Variants in MALRD1 observed in about 807,000 individuals in gnomAD.
MALRD1 encodes the protein MAM and LDL receptor class A domain containing 1, also known as MAM and LDL-receptor class A domain-containing protein 1.
Under a neutral mutation model 242.1 loss-of-function variants are expected in MALRD1, and 247 were observed. The observed-to-expected ratio is 1.02, with a 90% CI of 0.92 to 1.13. The LOEUF is 1.13. MALRD1 is among the 50% of genes most tolerant of loss of function. The probability of loss-of-function intolerance (pLI) is 0.00; values close to 1 mark genes in which losing one functional copy is unlikely to be tolerated. For missense variants in MALRD1, 2,989 were observed against 2,533.1 expected (o/e 1.18, Z -3.86); for synonymous variants, 995 against 866.6 (o/e 1.15, Z -2.60).
At chr10:19,543,433 CTTTTTT>C (rs71388849) in intron 32 of MALRD1, among the ~76,000 whole-genome samples, 2 of 106,410 alleles carry the variant, frequency 1.9e-5, no homozygotes, top group African/African-American at 6.8e-5. Context: ...CAGCTGATTT[CTTTTTT>C]TTTTTTTTTT....
At chr10:19,156,054 G>A (rs780075851) in intron 12 of MALRD1, among the ~76,000 whole-genome samples, 6 of 152,116 alleles carry the variant, frequency 3.9e-5, no homozygotes, top group Admixed American at 2.6e-4. Context: ...CTAATTTTTC[G>A]TCTTTACTTA....
intron 30 of MALRD1, among the ~76,000 whole-genome samples, chr10:19,493,702 C>T (rs899323043): frequency 4.6e-5 from 7 of 150,954 alleles, no homozygotes; most frequent in African/African-American, 1.7e-4. Flanking sequence ...TAATCCCAGC[C>T]ACTTGGGAGG....
At chr10:19,131,284 T>C (rs1449458920) in intron 8 of MALRD1, among the ~76,000 whole-genome samples, 1 of 152,186 alleles carries the variant, frequency 6.6e-6, no homozygotes, top group African/African-American at 2.4e-5. Flanking sequence ...TGTGAGGAGA[T>C]AAGCCAAGAA....
At chr10:19,476,489 G>A (rs1218850805) in intron 29 of MALRD1, among the ~76,000 whole-genome samples, 1 of 152,012 alleles carries the variant, frequency 6.6e-6, no homozygotes, top group Non-Finnish European at 1.5e-5. Flanking sequence ...CCAGATCCAG[G>A]ATCTCAGGTT....
chr10:19,549,114 G>T (rs1430796706), intron 32 of MALRD1, among the ~76,000 whole-genome samples: 5 of 152,200 alleles, frequency 3.3e-5, no homozygotes, highest in Non-Finnish European at 4.4e-5. Flanking sequence ...GCCTAATCCA[G>T]AGCAAGACCC....
chr10:19,329,271 C>T (rs944221587), intron 23 of MALRD1, among the ~76,000 whole-genome samples: 3 of 152,158 alleles, frequency 2.0e-5, no homozygotes, highest in East Asian at 1.9e-4. Context: ...GCACACTCTT[C>T]GTGATTCTGC....
At chr10:19,293,862 T>G (rs1588867652) in intron 21 of MALRD1, among the ~76,000 whole-genome samples, 1 of 152,246 alleles carries the variant, frequency 6.6e-6, no homozygotes, top group Non-Finnish European at 1.5e-5. Flanking sequence ...TTACATGAAT[T>G]TTACCTATGT....
intron 38 of MALRD1, among the ~76,000 whole-genome samples, chr10:19,695,045 G>T (rs1280261108): frequency 2.0e-5 from 3 of 152,050 alleles, no homozygotes; most frequent in Non-Finnish European, 4.4e-5. Flanking sequence ...ACAGAGGAAG[G>T]GTGACATCAC....
At chr10:19,648,906 G>A (rs1840756197) in intron 36 of MALRD1, among the ~76,000 whole-genome samples, 1 of 152,022 alleles carries the variant, frequency 6.6e-6, no homozygotes, top group Non-Finnish European at 1.5e-5. Context: ...CCCACCTCAA[G>A]TAGACCCTGG....
intron 26 of MALRD1, among the ~76,000 whole-genome samples, chr10:19,376,770 G>A (rs955456340): frequency 3.3e-5 from 5 of 151,680 alleles, no homozygotes; most frequent in African/African-American, 1.2e-4. Flanking sequence ...TTAGAGACGG[G>A]GTTTCAGTCT....
At chr10:19,707,211 C>T (rs968631599) in intron 38 of MALRD1, among the ~76,000 whole-genome samples, 4 of 151,454 alleles carry the variant, frequency 2.6e-5, no homozygotes, top group Non-Finnish European at 5.9e-5. Context: ...CCTCCTTCTC[C>T]TCCTTCTTCT....
At chr10:19,666,054 C>G (rs1841671621) in intron 36 of MALRD1, among the ~76,000 whole-genome samples, 1 of 152,080 alleles carries the variant, frequency 6.6e-6, no homozygotes, top group Non-Finnish European at 1.5e-5. Flanking sequence ...CCTTGCTTCC[C>G]CCAAAACTTT....
intron 28 of MALRD1, among the ~76,000 whole-genome samples, chr10:19,431,744 C>T (rs1200146388): frequency 1.3e-5 from 2 of 152,114 alleles, no homozygotes; most frequent in African/African-American, 4.8e-5. Flanking sequence ...TATTCCCCAC[C>T]CCTCAGGGAA....
chr10:19,625,745 CT>C (rs1475524035), intron 36 of MALRD1, among the ~76,000 whole-genome samples: 1 of 152,140 alleles, frequency 6.6e-6, no homozygotes, highest in Non-Finnish European at 1.5e-5. Flanking sequence ...GTTTTCTTTA[CT>C]GAAGAATGTT....
intron 26 of MALRD1, among the ~76,000 whole-genome samples, chr10:19,365,611 G>A (rs1250974691): frequency 1.5e-5 from 2 of 136,350 alleles, no homozygotes; most frequent in African/African-American, 5.4e-5. Context: ...TCCTGTTTGA[G>A]ATTCATTAAG....
In MALRD1 at chr10:19,474,500, A is replaced by G. The variant is rs184320861; in HGVS notation, c.5030-17017A>G. 1.3e-3 allele frequency among the ~76,000 whole-genome samples: 203 copies of G among 152,150 alleles called. 1 individual carries two copies. The highest frequency in any genetic ancestry group is 4.7e-3 in the African/African-American group (195 of 41,516). On this transcript the variant is annotated intron_variant, in intron 29 of 39. Coordinates refer to ENST00000454679, the MANE Select transcript of MALRD1 (RefSeq NM_001142308.3). ...AGCTTTTCTTTTTAATCTACTATACATTTCGACACAGTCTGTTGAACAATG... is the reference window on the plus strand; with the variant it reads ...AGCTTTTCTTTTTAATCTACTATACGTTTCGACACAGTCTGTTGAACAATG...
intron 28 of MALRD1, among the ~76,000 whole-genome samples, chr10:19,445,230 G>T (rs2131009370): frequency 6.6e-6 from 1 of 152,172 alleles, no homozygotes; most frequent in South Asian, 2.1e-4. Context: ...AAGGTTTTTA[G>T]CTTCTTTGCA....
intron 36 of MALRD1, among the ~76,000 whole-genome samples, chr10:19,686,042 T>C (rs1404865840): frequency 2.0e-5 from 3 of 152,078 alleles, no homozygotes; most frequent in Admixed American, 6.5e-5. Flanking sequence ...TGAATTCTTA[T>C]GGGTCTGCAG....
At chr10:19,462,025 G>C (rs3852455) in intron 29 of MALRD1, among the ~76,000 whole-genome samples, 131,429 of 152,172 alleles carry the variant, frequency 0.86, 56,922 homozygotes, top group East Asian at 1. Context: ...TTATTGTAGA[G>C]AGACGGCAGG....
Sources: gnomAD v4.1 joint callset for allele counts (sites outside exome capture counted in the v4.1 genomes callset) on GRCh38, gnomAD v4.1.1 for gene constraint, MANE v1.5 for transcripts, NCBI Gene and HGNC (gene_info 2026-07-23, HGNC 2026-07-21) for gene names.